Variants in PARD3B observed in about 807,000 individuals in gnomAD.
PARD3B encodes par-3 family cell polarity regulator beta, also known as partitioning defective 3 homolog B.
PARD3B carries 103 observed loss-of-function variants against 130.2 expected under a neutral mutation model. That is an observed-to-expected ratio of 0.79 (90% confidence interval 0.67 to 0.93). The LOEUF is 0.93. Ranked by LOEUF, PARD3B falls within the 40% of genes least tolerant of loss-of-function variation. PARD3B has a pLI of 0.00. For synonymous variants in PARD3B, 583 were observed against 553.2 expected, an observed-to-expected ratio of 1.05 and a Z score of -0.76; for missense variants, 1,609 against 1,499.2, an observed-to-expected ratio of 1.07 and a Z score of -1.21.
At chr2:204,980,147 T>C (rs191686247) in intron 3 of PARD3B, among the ~76,000 whole-genome samples, 76 of 152,238 alleles carry the variant, frequency 5.0e-4, no homozygotes, top group African/African-American at 7.2e-4. Context: ...TCCTGCTCAA[T>C]AGAAAAATAG....
Position 205,575,805 on chromosome 2 carries a change from G to C in PARD3B, c.3260+22402G>C, listed in dbSNP as rs962621698. Among the ~76,000 whole-genome samples the C allele has an allele frequency of 6.6e-6, 1 of 152,146 alleles. No homozygotes were observed. The highest frequency in any genetic ancestry group is 6.6e-5 in the Admixed American group (1 of 15,264). On this transcript the variant is annotated intron_variant, in intron 22 of 22. Transcript: ENST00000406610. The surrounding 1 kb of genome is among the most constrained non-coding windows in gnomAD (Gnocchi z 4.6). ...GACATCTTGGTTGCCTCCAGGTTTTGACCATTATGAATAAAGATGCTGTAA... is the reference window on the plus strand; with the variant it reads ...GACATCTTGGTTGCCTCCAGGTTTTCACCATTATGAATAAAGATGCTGTAA...
intron 4 of PARD3B, among the ~76,000 whole-genome samples, chr2:205,056,389 A>G (rs1481337719): frequency 6.6e-6 from 1 of 152,048 alleles, no homozygotes. Flanking sequence ...TAGATGAATC[A>G]CATTTTAAAA....
rs1441768548 is a variant in PARD3B, at chr2:205,346,003, T to C, written c.2630+44302T>C. Among the ~76,000 whole-genome samples the C allele has an allele frequency of 3.6e-5, 4 of 111,674 alleles. 1 individual carries two copies. The highest frequency in any genetic ancestry group is 1.0e-4 in the African/African-American group (4 of 38,138). The allele number at this position is 111,674 out of a possible 152,430, so 73.3% of individuals were successfully genotyped here. A position where few individuals can be genotyped will look rare whatever the true frequency, so the allele number is the denominator to read the frequency against. ...CTGGCCAACATAGTGAAACCCTGTC[T>C]CTACTAAAATACAAAAAATTAGCCG... On this transcript the variant is annotated intron_variant, in intron 18 of 22. Transcript: ENST00000406610.
intron 1 of PARD3B, among the ~76,000 whole-genome samples, chr2:204,597,269 G>C (rs965199517): frequency 6.7e-6 from 1 of 148,176 alleles, no homozygotes; most frequent in African/African-American, 2.5e-5. Flanking sequence ...TTTTTTTTTT[G>C]GTAGCGATCT....
At chr2:204,579,982 A>G (rs2032468915) in intron 1 of PARD3B, among the ~76,000 whole-genome samples, 1 of 152,228 alleles carries the variant, frequency 6.6e-6, no homozygotes, top group African/African-American at 2.4e-5. Context: ...CTTTGAAGCT[A>G]CATTGTTACA....
At chr2:205,374,682 T>C (rs1462045007) in intron 18 of PARD3B, among the ~76,000 whole-genome samples, 1 of 152,226 alleles carries the variant, frequency 6.6e-6, no homozygotes, top group Non-Finnish European at 1.5e-5. Flanking sequence ...CCATAATTTT[T>C]CACTGCTGCA....
In PARD3B at chr2:204,907,189, C is replaced by G. The variant is rs2047068274; in HGVS notation, c.223-57963C>G. On this transcript the variant is annotated intron_variant, in intron 2 of 22. Coordinates refer to ENST00000406610, the MANE Select transcript of PARD3B (RefSeq NM_001302769.2). This position sits in a 1 kb window ranked among gnomAD's most constrained non-coding sequence, Gnocchi z 5.7. ...TAAAGACGGGGTTTCACCGTGTTATCCAGGATGGTCTTGATCTTCTGACCT... is the reference window on the plus strand; with the variant it reads ...TAAAGACGGGGTTTCACCGTGTTATGCAGGATGGTCTTGATCTTCTGACCT... Among the ~76,000 whole-genome samples, 1 of 152,080 alleles carries G rather than the reference C, an allele frequency of 6.6e-6. No homozygotes were observed. The highest frequency in any genetic ancestry group is 6.6e-5 in the Admixed American group (1 of 15,260).
At chr2:204,740,561 G>C (rs114791588) in intron 2 of PARD3B, among the ~76,000 whole-genome samples, 2,205 of 152,316 alleles carry the variant, frequency 0.014, 48 homozygotes, top group African/African-American at 0.051. Context: ...TGGGGCCTCA[G>C]CTAGAATGGC....
At chr2:204,553,933 G>T (rs936843879) in intron 1 of PARD3B, among the ~76,000 whole-genome samples, 2 of 151,594 alleles carry the variant, frequency 1.3e-5, no homozygotes, top group African/African-American at 4.9e-5. Flanking sequence ...CACAAACTGG[G>T]TGCCGTGCAT....
At chr2:205,581,295 T>TAG (rs557848180) in intron 22 of PARD3B, among the ~76,000 whole-genome samples, 14 of 146,814 alleles carry the variant, frequency 9.5e-5, no homozygotes, top group Admixed American at 9.0e-4. Context: ...TATAGATAGA[T>TAG]ATAGATAGAT....
chr2:205,289,518 A>T (rs1015268143), intron 16 of PARD3B, among the ~76,000 whole-genome samples: 1 of 152,172 alleles, frequency 6.6e-6, no homozygotes, highest in East Asian at 1.9e-4. Flanking sequence ...AGGCACTGAG[A>T]GGTAAGAGCC....
chr2:204,886,284 T>G (rs2046268907), intron 2 of PARD3B, among the ~76,000 whole-genome samples: 1 of 152,172 alleles, frequency 6.6e-6, no homozygotes, highest in Non-Finnish European at 1.5e-5. Flanking sequence ...TTAGGTTGTG[T>G]GTTTCCAGTC....
intron 19 of PARD3B, among the ~76,000 whole-genome samples, chr2:205,401,357 A>T (rs544257548): frequency 1.3e-4 from 20 of 152,104 alleles, no homozygotes; most frequent in Non-Finnish European, 2.6e-4. Flanking sequence ...TCCATAACAC[A>T]CTACCACCTG....
At chr2:205,086,204 C>A (rs1381353241) in intron 4 of PARD3B, among the ~76,000 whole-genome samples, 2 of 152,146 alleles carry the variant, frequency 1.3e-5, no homozygotes, top group Non-Finnish European at 2.9e-5. Context: ...TTTAGTGAAG[C>A]CTTCAACAAG....
chr2:205,290,529 G>A (rs1238925838), intron 16 of PARD3B, among the ~76,000 whole-genome samples: 1 of 152,168 alleles, frequency 6.6e-6, no homozygotes, highest in Non-Finnish European at 1.5e-5. Context: ...TACATGAGAT[G>A]TAGGACTGAG....
In PARD3B at chr2:205,008,765, A is replaced by G. The variant is rs185282853; in HGVS notation, c.395-38816A>G. Among the ~76,000 whole-genome samples, 8 of 152,358 alleles carry G rather than the reference A, an allele frequency of 5.3e-5. No individual in the cohort carries two copies. The East Asian group carries it at 1.2e-3, about 22-fold the overall frequency. ...AGTTAGAATATTTGTTTATGATAAT[A>G]TTCTACATACATTATTTCATGTGAT... On this transcript the variant is annotated intron_variant, in intron 3 of 22. Coordinates refer to ENST00000406610, the MANE Select transcript of PARD3B (RefSeq NM_001302769.2).
intron 11 of PARD3B, among the ~76,000 whole-genome samples, chr2:205,164,914 T>G (rs1236495105): frequency 7.1e-6 from 1 of 139,946 alleles, no homozygotes; most frequent in Non-Finnish European, 1.5e-5. Context: ...GACCACAGTA[T>G]GAACTCTGCA....
chr2:204,713,416 A>G (rs2038558943), intron 2 of PARD3B, among the ~76,000 whole-genome samples: 1 of 142,126 alleles, frequency 7.0e-6, no homozygotes, highest in Admixed American at 6.7e-5. Context: ...TAGACGTACC[A>G]TAAAATTTAC....
intron 21 of PARD3B, among the ~76,000 whole-genome samples, chr2:205,539,239 G>C (rs1236723273): frequency 6.6e-6 from 1 of 152,150 alleles, no homozygotes; most frequent in Non-Finnish European, 1.5e-5. Flanking sequence ...AGTCTTATGA[G>C]GAATTCACAA....
Sources: gnomAD v4.1 joint callset for allele counts (sites outside exome capture counted in the v4.1 genomes callset) on GRCh38, gnomAD v4.1.1 for gene constraint, Gnocchi (gnomAD v3.1) non-coding constraint, MANE v1.5 for transcripts, NCBI Gene and HGNC (gene_info 2026-07-23, HGNC 2026-07-21) for gene names.